Variants in DSCAML1 observed in about 807,000 individuals in gnomAD.
DSCAML1 encodes the protein cell adhesion molecule DSCAML1.
DSCAML1 carries 38 observed loss-of-function variants against 200.5 expected under a neutral mutation model. The ratio of observed to expected loss-of-function variants is 0.19; its 90% CI spans 0.15 to 0.25. The LOEUF (loss-of-function observed/expected upper bound fraction) is 0.25, where lower values mean the gene tolerates loss of function less well. Among genes scored for constraint, DSCAML1 ranks in the 10% least tolerant of loss-of-function variants. The pLI, the probability that DSCAML1 is intolerant of heterozygous loss-of-function variation, is 1.00. For synonymous variants in DSCAML1, 1,215 were observed against 1,165.0 expected, an observed-to-expected ratio of 1.04 and a Z score of -0.87; for missense variants, 2,223 against 2,858.8, an observed-to-expected ratio of 0.78 and a Z score of 5.07.
intron 3 of DSCAML1, among the ~76,000 whole-genome samples, chr11:117,585,259 CT>C (rs1011035131): frequency 2.7e-5 from 4 of 150,918 alleles, no homozygotes; most frequent in African/African-American, 7.3e-5. Flanking sequence ...TATTTTTTTT[CT>C]TTTTTTTTGA....
chr11:117,666,911 T>C (rs1227730641), intron 3 of DSCAML1, among the ~76,000 whole-genome samples: 1 of 152,122 alleles, frequency 6.6e-6, no homozygotes, highest in African/African-American at 2.4e-5. Context: ...ATGCAGGTAA[T>C]TACTGTCCGA....
intron 3 of DSCAML1, among the ~76,000 whole-genome samples, chr11:117,735,505 G>A (rs936719625): frequency 9.2e-5 from 14 of 152,124 alleles, no homozygotes; most frequent in African/African-American, 2.9e-4. Flanking sequence ...AGGGGTGGGC[G>A]GGGCTGTCTA....
intron 3 of DSCAML1, among the ~76,000 whole-genome samples, chr11:117,545,925 T>C (rs2050365246): frequency 6.6e-6 from 1 of 152,214 alleles, no homozygotes; most frequent in Non-Finnish European, 1.5e-5. Flanking sequence ...TCCTGGCCCA[T>C]TGCTGTTTGC....
At chr11:117,777,194 T>C (rs543805109) in intron 2 of DSCAML1, among the ~76,000 whole-genome samples, 80 of 152,270 alleles carry the variant, frequency 5.3e-4, no homozygotes, top group African/African-American at 1.9e-3. Context: ...CTGGCCTCCC[T>C]CTGCAAGACC....
intron 3 of DSCAML1, among the ~76,000 whole-genome samples, chr11:117,719,694 C>G (rs2054012830): frequency 6.6e-6 from 1 of 152,142 alleles, no homozygotes; most frequent in African/African-American, 2.4e-5. Flanking sequence ...ACTGACTGGC[C>G]CAAGGGTACA....
chr11:117,698,707 G>A lies in DSCAML1; in HGVS notation c.511+78084C>T, dbSNP rs146342247. 2.2e-4 allele frequency among the ~76,000 whole-genome samples: 33 copies of A among 151,928 alleles called. No homozygotes were observed. The East Asian group carries it at 3.9e-3, about 18-fold the overall frequency. ...CTGAGCATCTTTTCATGTGCTTATCGGCTACATGTATATCTTCTTTGGAGA... is the reference window on the plus strand; with the variant it reads ...CTGAGCATCTTTTCATGTGCTTATCAGCTACATGTATATCTTCTTTGGAGA... On this transcript the variant is annotated intron_variant, in intron 3 of 32. Coordinates refer to ENST00000651296, the MANE Select transcript of DSCAML1 (RefSeq NM_020693.4).
At chr11:117,788,467 C>T (rs2055403066) in intron 1 of DSCAML1, among the ~76,000 whole-genome samples, 2 of 152,182 alleles carry the variant, frequency 1.3e-5, no homozygotes, top group Admixed American at 1.3e-4. Flanking sequence ...GCTGGGATTA[C>T]AGGCGTGCAC....
At chr11:117,551,578 T>C (rs1303721220) in intron 3 of DSCAML1, among the ~76,000 whole-genome samples, 1 of 152,136 alleles carries the variant, frequency 6.6e-6, no homozygotes, top group Non-Finnish European at 1.5e-5. Flanking sequence ...AAGAACTGGA[T>C]TGGGGGCATG....
chr11:117,439,189 C>A, intron 23 of DSCAML1, 77 bp downstream of exon 23: 1 of 1,562,000 alleles, frequency 6.4e-7, no homozygotes, highest in Non-Finnish European at 8.7e-7. Context: ...CATTCGATGA[C>A]CCTCTCGCAT....
rs1591397115 is a variant in DSCAML1, at chr11:117,684,455, A to G, written c.511+92336T>C. Among the ~76,000 whole-genome samples the G allele has an allele frequency of 2.0e-5, 3 of 148,630 alleles. No individual in the cohort carries two copies. The South Asian group carries it at 6.5e-4, about 32-fold the overall frequency. ...TTAACTAAAAAAAAAAAAAAAAAAA[A>G]AAAAAGAAAAAAAGAGGAAGAGGGT... On this transcript the variant is annotated intron_variant, in intron 3 of 32. Transcript: ENST00000651296.
At chr11:117,436,003 T>C (rs2047907523) in intron 26 of DSCAML1, among the ~76,000 whole-genome samples, 1 of 152,208 alleles carries the variant, frequency 6.6e-6, no homozygotes. Context: ...GTAGTTTTAA[T>C]ATTGCATTTT....
intron 20 of DSCAML1, among the ~76,000 whole-genome samples, chr11:117,445,149 C>T (rs965539957): frequency 6.6e-6 from 1 of 152,190 alleles, no homozygotes; most frequent in Non-Finnish European, 1.5e-5. Context: ...TTCTTCATGC[C>T]CCATAGTGGG....
rs552863679 is a variant in DSCAML1, at chr11:117,591,370, G to A, written c.512-58848C>T. On this transcript the variant is annotated intron_variant, in intron 3 of 32. Coordinates refer to ENST00000651296, the MANE Select transcript of DSCAML1 (RefSeq NM_020693.4). ...CCTGAGCGCCTGCCTCTGTAATGAGGAGTGATGTATAATTGATGAAAGCAC... is the reference window on the plus strand; with the variant it reads ...CCTGAGCGCCTGCCTCTGTAATGAGAAGTGATGTATAATTGATGAAAGCAC... Among the ~76,000 whole-genome samples the A allele has an allele frequency of 5.9e-5, 9 of 152,236 alleles. No individual in the cohort carries two copies. In the South Asian group the frequency reaches 1.9e-3, roughly 32 times the overall value.
At chr11:117,649,535 G>A (rs2052586516) in intron 3 of DSCAML1, among the ~76,000 whole-genome samples, 1 of 152,072 alleles carries the variant, frequency 6.6e-6, no homozygotes, top group Admixed American at 6.5e-5. Context: ...GCAGCTTCCC[G>A]TGGTCACCAG....
chr11:117,792,170 C>G (rs1215385259), intron 1 of DSCAML1, among the ~76,000 whole-genome samples: 1 of 152,210 alleles, frequency 6.6e-6, no homozygotes, highest in Non-Finnish European at 1.5e-5. Context: ...GAGGCTCCAC[C>G]TCACCCCTTA....
chr11:117,572,316 T>A (rs965187342), intron 3 of DSCAML1, among the ~76,000 whole-genome samples: 14 of 152,216 alleles, frequency 9.2e-5, no homozygotes, highest in African/African-American at 2.9e-4. Flanking sequence ...TTTGCTCAGC[T>A]GTGGCCTCTC....
rs1360618003 is a variant in DSCAML1 at position 117,439,299 on chromosome 11, A to T, written c.4111T>A (p.Phe1371Ile). The T allele has an allele frequency of 6.2e-7, 1 of 1,614,106 alleles. No homozygotes were observed. Reference protein sequence around the residue: ...YTCTATNTGGFDTIIVNLLVQ... With the variant: ...YTCTATNTGGIDTIIVNLLVQ... ...AGAAGGTTGACGATGATGGTGTCAA[A>T]GCCACCAGTGTTGGTGGCCGTGCAC... The change falls in exon 23 of 33, where the codon TTT (phenylalanine) becomes ATT (isoleucine). Residue 1371 changes from phenylalanine to isoleucine, a missense_variant. Coordinates refer to ENST00000651296, the MANE Select transcript of DSCAML1 (RefSeq NM_020693.4).
chr11:117,684,945 C>T (rs899653006), intron 3 of DSCAML1, among the ~76,000 whole-genome samples: 3 of 152,194 alleles, frequency 2.0e-5, no homozygotes, highest in African/African-American at 2.4e-5. Flanking sequence ...ATGCCAGGGC[C>T]GGTCCAGCCG....
At chr11:117,561,495 C>T (rs1238407970) in intron 3 of DSCAML1, among the ~76,000 whole-genome samples, 1 of 152,234 alleles carries the variant, frequency 6.6e-6, no homozygotes, top group East Asian at 1.9e-4. Flanking sequence ...TGTGGGGCTG[C>T]TCCAGTCATG....
Sources: gnomAD v4.1 joint callset for allele counts (sites outside exome capture counted in the v4.1 genomes callset) on GRCh38, gnomAD v4.1.1 for gene constraint, MANE v1.5 for transcripts, NCBI Gene and HGNC (gene_info 2026-07-23, HGNC 2026-07-21) for gene names.